LRSAM1: variants seen among roughly 807,000 people sequenced by gnomAD.
LRSAM1 encodes leucine rich repeat and sterile alpha motif containing 1, also known as E3 ubiquitin-protein ligase LRSAM1.
Under a neutral mutation model 118.1 loss-of-function variants are expected in LRSAM1, and 96 were observed. That is an observed-to-expected ratio of 0.81 (90% CI 0.69 to 0.96). The LOEUF (loss-of-function observed/expected upper bound fraction) is 0.96, where lower values mean the gene tolerates loss of function less well. Ranked by LOEUF, LRSAM1 falls within the 40% of genes least tolerant of loss-of-function variation. The probability of loss-of-function intolerance (pLI) is 0.00; values close to 1 mark genes in which losing one functional copy is unlikely to be tolerated. For missense variants in LRSAM1, 804 were observed against 915.5 expected, an observed-to-expected ratio of 0.88 and a Z score of 1.57; for synonymous variants, 322 against 364.2, an observed-to-expected ratio of 0.88 and a Z score of 1.32.
intron 21 of LRSAM1, among the ~76,000 whole-genome samples, chr9:127,493,468 C>G (rs995992780): frequency 1.2e-4 from 19 of 152,202 alleles, no homozygotes; most frequent in African/African-American, 3.1e-4. Context: ...TTTCGAGCAG[C>G]CTGTTTCCGC....
In LRSAM1 at chr9:127,479,516, C is replaced by A. The variant is rs368796469; in HGVS notation, c.903+11C>A. ...CAGACGGTCAAGGAGGTTTGTGAGC[C>A]GCCTGCTAGGGTCCAGCCTGGCTGC... On this transcript the variant is annotated intron_variant, in intron 13 of 25. Coordinates refer to ENST00000300417, the MANE Select transcript of LRSAM1 (RefSeq NM_001005373.4). 6.2e-7 allele frequency: 1 copy of A among 1,613,386 alleles called. No individual in the cohort carries two copies. Among genetic ancestry groups the A allele is most frequent in the South Asian group, 1.1e-5 (1 of 90,984 alleles).
Position 127,496,059 on chromosome 9 carries a change from C to A in LRSAM1, c.1794C>A (p.Asp598Glu), listed in dbSNP as rs758898673. 6.2e-7 allele frequency: 1 copy of A among 1,611,958 alleles called. No homozygotes were observed. Among genetic ancestry groups the A allele is most frequent in the South Asian group, 1.1e-5 (1 of 91,078 alleles). ...PIFAHHRLSLDLLSQMSPGDL... is the reference protein window; with the variant it reads ...PIFAHHRLSLELLSQMSPGDL... Reference sequence around the variant, plus strand: ...TTGCGCACCACCGCCTCTCACTGGACCTGCTGAGCCAAATGAGCCCAGGGG... The same window carrying A: ...TTGCGCACCACCGCCTCTCACTGGAACTGCTGAGCCAAATGAGCCCAGGGG... Residue 598 changes from aspartate to glutamate, a missense_variant, in exon 23 of 26, where the codon GAC becomes GAA. Physicochemically the swap from Asp to Glu is conservative, Grantham distance 45. Transcript: ENST00000300417.
At chr9:127,495,857 G>A in intron 22 of LRSAM1, 107 bp from the exon 23 acceptor site, 3 of 1,499,258 alleles carry the variant, frequency 2.0e-6, no homozygotes, top group Non-Finnish European at 2.7e-6. Flanking sequence ...AAAATCCCGA[G>A]TACATTCTAT....
At chr9:127,487,400 G>C in intron 17 of LRSAM1, 2 of 397,226 alleles carry the variant, frequency 5.0e-6, no homozygotes, top group South Asian at 4.2e-5. Context: ...ATCCACTTCC[G>C]GGGGGTGCTG....
At chr9:127,474,810 G>A (rs1005038137) in intron 11 of LRSAM1, among the ~76,000 whole-genome samples, 1 of 152,246 alleles carries the variant, frequency 6.6e-6, no homozygotes, top group East Asian at 1.9e-4. Context: ...AGCACAGGAC[G>A]ACACAGAGGA....
intron 2 of LRSAM1, 124 bp from the exon 3 acceptor site, chr9:127,454,372 C>G: frequency 1.3e-6 from 1 of 771,746 alleles, no homozygotes; most frequent in Non-Finnish European, 2.3e-6. Flanking sequence ...AGACACAGCC[C>G]CTGCCTCCAT....
intron 10 of LRSAM1, among the ~76,000 whole-genome samples, chr9:127,473,010 C>G (rs1835230133): frequency 6.6e-6 from 1 of 152,158 alleles, no homozygotes; most frequent in Non-Finnish European, 1.5e-5. Flanking sequence ...GGGAGGACCT[C>G]TCTCCCCCTT....
In LRSAM1 at chr9:127,492,894, C is replaced by T. The variant is rs755106008; in HGVS notation, c.1596C>T (p.Ile532=). 6.2e-7 allele frequency: 1 copy of T among 1,613,886 alleles called. No individual in the cohort carries two copies. The highest frequency in any genetic ancestry group is 1.1e-5 in the South Asian group (1 of 91,062). Residue 532 remains isoleucine, a synonymous_variant, in exon 21 of 26, where the codon ATC becomes ATT. Transcript: ENST00000300417. The part of the protein sequence containing the change: ...KQQREEELRE[I]LTELEAKSET... ...AGCGAGAGGAAGAGCTCCGGGAAAT[C>T]CTGGTATGTGTTTGGCTTCTGTGCT... is the stretch of plus-strand genomic sequence containing the variant.
In LRSAM1 at chr9:127,465,158, T is replaced by C. The variant is rs1323413726; in HGVS notation, c.529-2582T>C. Among the ~76,000 whole-genome samples, 1 of 152,070 alleles carries C rather than the reference T, an allele frequency of 6.6e-6. No homozygotes were observed. The highest frequency in any genetic ancestry group is 2.1e-4 in the South Asian group (1 of 4,828). On this transcript the variant is annotated intron_variant, in intron 9 of 25. Transcript: ENST00000300417. This position sits in a 1 kb window ranked among gnomAD's most constrained non-coding sequence, Gnocchi z 4.1. ...TGAGGAGACCACAGCCCCAGGACACTAAGGGGCCTGATTAAGCAAACACAT... is the reference window on the plus strand; with the variant it reads ...TGAGGAGACCACAGCCCCAGGACACCAAGGGGCCTGATTAAGCAAACACAT...
At chr9:127,470,727 CACAA>C (rs925667148) in intron 10 of LRSAM1, 1 of 152,072 alleles carries the variant, frequency 6.6e-6, no homozygotes, top group Non-Finnish European at 1.5e-5. Flanking sequence ...GGATGAGTCT[CACAA>C]ACAATGTGGA....
intron 22 of LRSAM1, 68 bp from the exon 23 acceptor site, chr9:127,495,896 C>G: frequency 6.3e-7 from 1 of 1,590,062 alleles, no homozygotes; most frequent in East Asian, 2.2e-5. Flanking sequence ...TCAAACCCTT[C>G]ATTTCCTGTT....
At position 127,503,012 on chromosome 9, in the gene LRSAM1, G is replaced by A. The variant is rs1836458473; in HGVS notation, c.*113G>A. 3 of 1,436,116 alleles carry A rather than the reference G, an allele frequency of 2.1e-6. No individual in the cohort carries two copies. The highest frequency in any genetic ancestry group is 2.5e-5 in the East Asian group (1 of 40,196). 89.0% of individuals were successfully genotyped at this position (1,436,116 alleles called of 1,614,324 possible). A position where few individuals can be genotyped will look rare whatever the true frequency, so the allele number is the denominator to read the frequency against. On this transcript the variant is annotated 3_prime_UTR_variant, in exon 26 of 26. Coordinates refer to ENST00000300417, the MANE Select transcript of LRSAM1 (RefSeq NM_001005373.4). ...TCGTATGAGGCTCCCCCCTGCCCTG[G>A]GCCCCTTCCCCACTGCCCAGGAGCC...
intron 20 of LRSAM1, 130 bp from the exon 21 acceptor site, chr9:127,492,672 C>T (rs1159443888): frequency 3.7e-6 from 3 of 817,378 alleles, no homozygotes; most frequent in Non-Finnish European, 4.1e-6. Context: ...GCTTTGTCCC[C>T]CAACGCAGCC....
chr9:127,502,548 A>G (rs1396391184), intron 25 of LRSAM1, among the ~76,000 whole-genome samples: 3 of 151,948 alleles, frequency 2.0e-5, no homozygotes, highest in East Asian at 1.9e-4. Flanking sequence ...TTAGCCAGGT[A>G]TGGTGGTGCA....
At chr9:127,488,845 C>A (rs1389822531) in intron 18 of LRSAM1, among the ~76,000 whole-genome samples, 1 of 152,126 alleles carries the variant, frequency 6.6e-6, no homozygotes, top group African/African-American at 2.4e-5. Flanking sequence ...CCTGCCTCGG[C>A]CTCCCAGAGT....
In LRSAM1 at chr9:127,478,964, G is replaced by C; in HGVS notation, c.780+1G>C. On this transcript the variant is annotated splice_donor_variant, in intron 12 of 25. Coordinates refer to ENST00000300417, the MANE Select transcript of LRSAM1 (RefSeq NM_001005373.4). LOFTEE classifies it high-confidence loss of function. ...GTTCTCAGACTATGAGAAGAGGAAG[G>C]TAAGAAAATGCCTTTACCCTTCTGT... The C allele has an allele frequency of 1.2e-6, 2 of 1,613,492 alleles. No homozygotes were observed.
intron 18 of LRSAM1, 146 bp from the exon 19 acceptor site, chr9:127,489,298 A>T (rs1029822796): frequency 1.1e-6 from 1 of 950,752 alleles, no homozygotes; most frequent in Non-Finnish European, 1.6e-6. Flanking sequence ...TAAGGTTTAC[A>T]CAAGTGAGGT....
At chr9:127,496,151 C>T in intron 23 of LRSAM1, 56 bp downstream of exon 23, 1 of 1,596,734 alleles carries the variant, frequency 6.3e-7, no homozygotes, top group Admixed American at 1.7e-5. Context: ...CTGTCCTGAC[C>T]AGCCGGGGGT....
intron 22 of LRSAM1, 104 bp from the exon 23 acceptor site, chr9:127,495,860 C>G: frequency 6.6e-7 from 1 of 1,504,022 alleles, no homozygotes; most frequent in African/African-American, 1.4e-5. Context: ...ATCCCGAGTA[C>G]ATTCTATGTA....
Sources: gnomAD v4.1 joint callset for allele counts (sites outside exome capture counted in the v4.1 genomes callset) on GRCh38, gnomAD v4.1.1 for gene constraint, Gnocchi (gnomAD v3.1) non-coding constraint, MANE v1.5 for transcripts, NCBI Gene and HGNC (gene_info 2026-07-23, HGNC 2026-07-21) for gene names.